Variants in NLRP7 observed in about 807,000 individuals in gnomAD.
The protein encoded by NLRP7 is NACHT, LRR and PYD domains-containing protein 7.
Under a neutral mutation model 85.5 loss-of-function variants are expected in NLRP7, and 72 were observed. That is an observed-to-expected ratio of 0.84 (90% CI 0.70 to 1.02). The LOEUF is 1.02. NLRP7 is among the 50% of genes least tolerant of loss of function. NLRP7 has a pLI of 0.00. For missense variants in NLRP7, 1,243 were observed against 1,219.5 expected (o/e 1.02, Z -0.29); for synonymous variants, 550 against 505.2 (o/e 1.09, Z -1.19).
intron 1 of NLRP7, among the ~76,000 whole-genome samples, chr19:54,957,721 T>A (rs2069904922): frequency 6.6e-6 from 1 of 152,174 alleles, no homozygotes; most frequent in Non-Finnish European, 1.5e-5. Context: ...CTCACATTTT[T>A]GTGGGACTCC....
chr19:54,923,686 C>A, exon 10 of NLRP7: 1 of 1,605,364 alleles, frequency 6.2e-7, no homozygotes, highest in Non-Finnish European at 8.5e-7. Context: ...CATAAGACAT[C>A]TTAGAGACCC....
Position 54,934,589 on chromosome 19 carries a change from G to A in NLRP7, c.2371C>T (p.Leu791=), listed in dbSNP as rs1168680704. Residue 791 remains leucine (L), a synonymous_variant, in exon 7 of 10, where the codon CTG becomes TTG. Coordinates refer to ENST00000340844, the Ensembl canonical transcript of NLRP7. The surrounding 1 kb of genome is among the most constrained non-coding windows in gnomAD (Gnocchi z 6.7). ...TTGGCTGAGAGACGCAGGTGCTTCA[G>A]GGACTGGTTGGCTTTGAGGACATAG... 3 of 1,614,068 alleles carry A rather than the reference G, an allele frequency of 1.9e-6. No individual in the cohort carries two copies. The highest frequency in any genetic ancestry group is 1.7e-6 in the Non-Finnish European group (2 of 1,180,016).
rs269955 is a variant in NLRP7, at chr19:54,932,056, A to G, written c.2643-1390T>C. ...TTTGTCTTTAACTGACACATTCTAC[A>G]TATATAGGGGTATAGTGTGATGTTT... On this transcript the variant is annotated intron_variant, in intron 8 of 9. Transcript: ENST00000340844. Among the ~76,000 whole-genome samples the G allele has an allele frequency of 0.69, 104,885 of 152,010 alleles. 37,439 individuals carry two copies. The highest frequency in any genetic ancestry group is 0.87 in the African/African-American group (36,016 of 41,500).
rs771115543 is a variant in NLRP7 at position 54,934,669 on chromosome 19, G to C, written c.2301-10C>G. 1 of 1,610,656 alleles carries C rather than the reference G, an allele frequency of 6.2e-7. No homozygotes were observed. Among genetic ancestry groups the C allele is most frequent in the Admixed American group, 1.7e-5 (1 of 59,622 alleles). On this transcript the variant is annotated splice_polypyrimidine_tract_variant and intron_variant, in intron 6 of 9. Transcript: ENST00000340844. The surrounding 1 kb of genome is among the most constrained non-coding windows in gnomAD (Gnocchi z 6.7). ...ACAGTGACCTCCCAACCTGTGAAAA[G>C]AGTGGGAAAAGTCATTCTTCTGGGA...
chr19:54,941,527 G>A (rs1211523035), exon 2 of NLRP7: 3 of 1,613,808 alleles, frequency 1.9e-6, no homozygotes, highest in East Asian at 2.2e-5. Context: ...ATTTTCTGAG[G>A]AGGTGTTGAC....
At chr19:54,937,392 CA>C (rs910480301) in intron 5 of NLRP7, among the ~76,000 whole-genome samples, 1 of 149,728 alleles carries the variant, frequency 6.7e-6, no homozygotes, top group Non-Finnish European at 1.5e-5. Context: ...CAAAACAAAC[CA>C]AAAAAAAGAT....
At chr19:54,939,112 C>T (rs1243097546) in exon 4 of NLRP7, 2 of 1,614,210 alleles carry the variant, frequency 1.2e-6, no homozygotes, top group South Asian at 1.1e-5. Context: ...CCAAGACCTC[C>T]TTCAGGTCGG....
At chr19:54,927,475 G>A in intron 9 of NLRP7, 130 bp downstream of exon 10, 1 of 823,496 alleles carries the variant, frequency 1.2e-6, no homozygotes, top group Non-Finnish European at 2.0e-6. Flanking sequence ...AGAATTGCTT[G>A]AACCTGAGAG....
exon 5 of NLRP7, chr19:54,938,190 A>G (rs770688959): frequency 1.2e-6 from 2 of 1,614,122 alleles, no homozygotes; most frequent in East Asian, 2.2e-5. Flanking sequence ...TCCAGAGGCG[A>G]AGAGAGCGAA....
chr19:54,942,963 A>T lies in NLRP7; in HGVS notation c.-39-1213T>A, dbSNP rs576751223. On this transcript the variant is annotated intron_variant, in intron 1 of 9. Coordinates refer to ENST00000340844, the Ensembl canonical transcript of NLRP7. ...GGAGTTTGAGACCCGCCTGGCCCAC[A>T]TGGTGAAACCCCATCTCTACTAAAA... 4.6e-5 allele frequency among the ~76,000 whole-genome samples: 7 copies of T among 151,390 alleles called. No individual in the cohort carries two copies. The East Asian group carries it at 1.4e-3, about 30-fold the overall frequency.
rs1403958665 is a variant in NLRP7 at position 54,963,247 on chromosome 19, A to T, written c.-77+2793T>A. Among the ~76,000 whole-genome samples, 3 of 151,894 alleles carry T rather than the reference A, an allele frequency of 2.0e-5. No homozygotes were observed. In the East Asian group the frequency reaches 5.8e-4, roughly 29 times the overall value. On this transcript the variant is annotated intron_variant, in intron 1 of 2. Transcript: ENST00000587103. ...CTCCATCTCTATAAAAAATACAAAA[A>T]TCTAGTCAGGCGTGATGGCGTATGC...
rs1472796937 is a variant in NLRP7 at position 54,963,963 on chromosome 19, C to T, written c.-77+2077G>A. Among the ~76,000 whole-genome samples the T allele has an allele frequency of 3.3e-5, 5 of 150,000 alleles. No homozygotes were observed. In the South Asian group the frequency reaches 6.3e-4, roughly 19 times the overall value. The stretch of plus-strand genomic sequence containing the variant: ...TGGTGCGGTCTCGGCTCACTGCAAC[C>T]TCCGCCTCCTGGGTTCAAGCAATTC... On this transcript the variant is annotated intron_variant, in intron 1 of 2. Transcript: ENST00000587103.
At chr19:54,958,737 C>T (rs1469533286) in intron 1 of NLRP7, among the ~76,000 whole-genome samples, 1 of 151,938 alleles carries the variant, frequency 6.6e-6, no homozygotes, top group Non-Finnish European at 1.5e-5. Context: ...AAAAACCTCT[C>T]AGACACCGAG....
intron 1 of NLRP7, among the ~76,000 whole-genome samples, chr19:54,962,802 T>C (rs959752643): frequency 8.0e-5 from 12 of 150,572 alleles, no homozygotes; most frequent in Non-Finnish European, 4.4e-5. Context: ...GGTTTCACCG[T>C]GTTAGCCAGG....
exon 4 of NLRP7, chr19:54,939,748 G>A: frequency 6.2e-7 from 1 of 1,613,638 alleles, no homozygotes; most frequent in Non-Finnish European, 8.5e-7. Flanking sequence ...AGCCCAGCTG[G>A]AACAGGGCCG....
chr19:54,962,452 G>A (rs1233028724), intron 1 of NLRP7, among the ~76,000 whole-genome samples: 1 of 151,012 alleles, frequency 6.6e-6, no homozygotes, highest in Admixed American at 6.6e-5. Context: ...TGTATTTTTA[G>A]TAGAGATGGG....
At position 54,934,393 on chromosome 19, in the gene NLRP7, G is replaced by A; in HGVS notation, c.2471+96C>T. ...GAAGCAGGTGTTTATTTCAGCAAGA[G>A]GCGCCACGTGGGTGGCGCAGTAAGT... On this transcript the variant is annotated intron_variant, in intron 7 of 9. Transcript: ENST00000340844. This position sits in a 1 kb window ranked among gnomAD's most constrained non-coding sequence, Gnocchi z 6.7. The A allele has an allele frequency of 1.6e-6, 2 of 1,238,984 alleles. No individual in the cohort carries two copies. The highest frequency in any genetic ancestry group is 1.2e-5 in the South Asian group (1 of 83,610). 76.7% of individuals were successfully genotyped at this position (1,238,984 alleles called of 1,614,324 possible).
At chr19:54,933,184 C>T (rs138488712) in intron 8 of NLRP7, among the ~76,000 whole-genome samples, 3,277 of 152,028 alleles carry the variant, frequency 0.022, 100 homozygotes, top group African/African-American at 0.074. Context: ...CTTGTTCTGT[C>T]GCCCAGGCTG....
rs373076638 is a variant in NLRP7, at chr19:54,940,115, T to G, written c.704A>C (p.Gln235Pro). The change falls in exon 4 of 10, where the codon CAG becomes CCG. Residue 235 changes from glutamine (Q) to proline (P), a missense_variant. Around this residue, in one of 3 missense-constraint regions of NLRP7, gnomAD observed 591 missense variants for 563.3 expected, o/e 1.05. Transcript: ENST00000340844. ...GGCTAGGATGCTTGGAATGTCATCCTGCAATTCAGGCCAGTCTTTGGAGAT... is the reference window on the plus strand; with the variant it reads ...GGCTAGGATGCTTGGAATGTCATCCGGCAATTCAGGCCAGTCTTTGGAGAT... 15 of 1,614,092 alleles carry G rather than the reference T, an allele frequency of 9.3e-6. No homozygotes were observed. The African/African-American group carries it at 1.9e-4, about 20-fold the overall frequency.
Sources: gnomAD v4.1 joint callset for allele counts (sites outside exome capture counted in the v4.1 genomes callset) on GRCh38, gnomAD v4.1.1 for gene constraint, gnomAD v4.1.1 regional missense constraint, Gnocchi (gnomAD v3.1) non-coding constraint, MANE v1.5 for transcripts, NCBI Gene and HGNC (gene_info 2026-07-23, HGNC 2026-07-21) for gene names.